The following AP2M1 variants were observed in gnomAD, a reference collection of about 807,000 sequenced individuals.
AP2M1 encodes the protein AP-2 complex subunit mu.
In AP2M1, 5 loss-of-function variants were observed where a neutral mutation model predicts 54.5. That is an observed-to-expected ratio of 0.09 (90% confidence interval 0.05 to 0.19). The LOEUF (loss-of-function observed/expected upper bound fraction) is 0.19, where lower values mean the gene tolerates loss of function less well. Ranked by LOEUF, AP2M1 falls within the 10% of genes least tolerant of loss-of-function variation. The pLI is 1.00. For synonymous variants in AP2M1, 186 were observed against 208.2 expected (o/e 0.89, Z 0.92); for missense variants, 178 against 580.2 (o/e 0.31, Z 7.12).
In AP2M1 at chr3:184,178,845, C is replaced by CT. The variant is rs1207889394; in HGVS notation, c.75-8dup. ...GGGTGCTGAGCAGGCCCTATGCACT[C>CT]TTTTCCCTCAGGAGGAACGCAGTGG... On this transcript the variant is annotated splice_polypyrimidine_tract_variant and intron_variant, in intron 2 of 11. Coordinates refer to ENST00000292807, the MANE Select transcript of AP2M1 (RefSeq NM_004068.4). This position sits in a 1 kb window ranked among gnomAD's most constrained non-coding sequence, Gnocchi z 4.9. The CT allele has an allele frequency of 1.9e-6, 3 of 1,613,000 alleles. No individual in the cohort carries two copies. The Admixed American group carries it at 5.0e-5, about 27-fold the overall frequency.
At chr3:184,177,966 T>C in intron 2 of AP2M1, 1 of 618,220 alleles carries the variant, frequency 1.6e-6, no homozygotes, top group African/African-American at 1.8e-5. Context: ...GAGCTAGAGC[T>C]GCAGCTGTGG....
At chr3:184,179,244 T>C (rs1340504289) in intron 3 of AP2M1, 122 bp downstream of exon 3, 1 of 1,276,504 alleles carries the variant, frequency 7.8e-7, no homozygotes, top group Non-Finnish European at 1.1e-6. Flanking sequence ...TCCTGAGTAT[T>C]TGGTCTCTTG....
chr3:184,183,719 G>A lies in AP2M1; in HGVS notation c.*103G>A. ...ATCAGTGTCTCCTCCCTCCTGCTTT[G>A]CTGCCTTCCCTTTGCACCAGCCCGA... is the stretch of plus-strand genomic sequence containing the variant. On this transcript the variant is annotated 3_prime_UTR_variant, in exon 12 of 12. Transcript: ENST00000292807. This position sits in a 1 kb window ranked among gnomAD's most constrained non-coding sequence, Gnocchi z 5.7. The A allele has an allele frequency of 7.3e-7, 1 of 1,366,274 alleles. No individual in the cohort carries two copies. Among genetic ancestry groups the A allele is most frequent in the Non-Finnish European group, 1.0e-6 (1 of 993,510 alleles). The allele number at this position is 1,366,274 out of a possible 1,614,324, so 84.6% of individuals were successfully genotyped here.
At chr3:184,176,412 T>C (rs988809392) in intron 1 of AP2M1, among the ~76,000 whole-genome samples, 2 of 152,166 alleles carry the variant, frequency 1.3e-5, no homozygotes, top group African/African-American at 4.8e-5. Context: ...TTATACCCTT[T>C]CCTGGAATGT....
chr3:184,179,502 AG>A (rs960166708), intron 3 of AP2M1, among the ~76,000 whole-genome samples: 21 of 152,106 alleles, frequency 1.4e-4, no homozygotes, highest in Admixed American at 7.2e-4. Context: ...AGATATTACA[AG>A]CCTCTTGGGG....
At chr3:184,177,202 A>G in intron 2 of AP2M1, 135 bp downstream of exon 2, 2 of 892,234 alleles carry the variant, frequency 2.2e-6, no homozygotes, top group Non-Finnish European at 3.4e-6. Context: ...AAGCTCAGCT[A>G]GTGTAGCCTG....
At chr3:184,176,287 T>G (rs531020409) in intron 1 of AP2M1, among the ~76,000 whole-genome samples, 14 of 152,288 alleles carry the variant, frequency 9.2e-5, no homozygotes, top group Non-Finnish European at 2.1e-4. Flanking sequence ...AAGTGTAGTC[T>G]GCCAGCCCTA....
In AP2M1 at chr3:184,180,820, C is replaced by G. The variant is rs376758848; in HGVS notation, c.430-29C>G. 6.2e-7 allele frequency: 1 copy of G among 1,614,212 alleles called. No homozygotes were observed. The highest frequency in any genetic ancestry group is 1.7e-5 in the Admixed American group (1 of 60,032). ...GATTAAAGGGACAGAGGAGTGAGGC[C>G]ATTGCTGTTTGTTTCTGCCCTCATG... On this transcript the variant is annotated intron_variant, in intron 5 of 11. Coordinates refer to ENST00000292807, the MANE Select transcript of AP2M1 (RefSeq NM_004068.4). The surrounding 1 kb of genome is among the most constrained non-coding windows in gnomAD (Gnocchi z 4.9).
intron 2 of AP2M1, chr3:184,177,612 GT>G (rs1560125436): frequency 6.5e-7 from 1 of 1,535,880 alleles, no homozygotes. Context: ...GGCTGGAAGC[GT>G]GAGGCACTCT....
chr3:184,176,731 A>G (rs1715085838), intron 1 of AP2M1: 2 of 477,202 alleles, frequency 4.2e-6, no homozygotes, highest in Non-Finnish European at 7.3e-6. Context: ...AAATGGCCTT[A>G]GAATCCTGGG....
chr3:184,179,019 C>T lies in AP2M1; in HGVS notation c.237C>T (p.Phe79=), dbSNP rs11539598. 5.9e-4 allele frequency: 958 copies of T among 1,614,160 alleles called. No individual in the cohort carries two copies. Among genetic ancestry groups the T allele is most frequent in the Non-Finnish European group, 7.7e-4 (904 of 1,180,042 alleles). Residue 79 remains phenylalanine, a synonymous_variant, in exon 3 of 12, where the codon TTC becomes TTT. Coordinates refer to ENST00000292807, the MANE Select transcript of AP2M1 (RefSeq NM_004068.4). ...AGAATGTCAACGCTGCCATGGTCTTCGAATTCCTCTATAAGATGTGTGACG... is the reference window on the plus strand; with the variant it reads ...AGAATGTCAACGCTGCCATGGTCTTTGAATTCCTCTATAAGATGTGTGACG... ...TKQNVNAAMV[F]EFLYKMCDVM... is the part of the protein sequence containing the mutation.
At position 184,180,141 on chromosome 3, in the gene AP2M1, G is replaced by T; in HGVS notation, c.341-28G>T. The T allele has an allele frequency of 6.2e-7, 1 of 1,611,348 alleles. No individual in the cohort carries two copies. Among genetic ancestry groups the T allele is most frequent in the Non-Finnish European group, 8.5e-7 (1 of 1,177,600 alleles). The stretch of plus-strand genomic sequence containing the variant: ...GGCTGGAATGAAGAAGCTCTGTCCA[G>T]GGGCTGATGGTTCCCTTCTTTTTGC... On this transcript the variant is annotated intron_variant, in intron 3 of 11. Coordinates refer to ENST00000292807, the MANE Select transcript of AP2M1 (RefSeq NM_004068.4). The surrounding 1 kb of genome is among the most constrained non-coding windows in gnomAD (Gnocchi z 4.9).
rs1381423610 is a variant in AP2M1 at position 184,180,420 on chromosome 3, C to G, written c.423+169C>G. 2.2e-5 allele frequency: 23 copies of G among 1,050,104 alleles called. No homozygotes were observed. Among genetic ancestry groups the G allele is most frequent in the Non-Finnish European group, 1.4e-6 (1 of 724,162 alleles). 65.0% of individuals were successfully genotyped at this position (1,050,104 alleles called of 1,614,324 possible). ...GATTTTGCTCTGTGTGGTCCTCCCA[C>G]TGCAGGAGCAGCCAATTCAGCATCT... is the stretch of plus-strand genomic sequence containing the variant. On this transcript the variant is annotated intron_variant, in intron 4 of 11. Coordinates refer to ENST00000292807, the MANE Select transcript of AP2M1 (RefSeq NM_004068.4). This position sits in a 1 kb window ranked among gnomAD's most constrained non-coding sequence, Gnocchi z 4.9.
At chr3:184,175,175 C>T (rs959048832) in intron 1 of AP2M1, 13 of 393,090 alleles carry the variant, frequency 3.3e-5, no homozygotes, top group Non-Finnish European at 5.8e-5. Context: ...CCACCTGACC[C>T]GCCTGGCGCC....
Position 184,180,714 on chromosome 3 carries a change from G to A in AP2M1, c.429+64G>A. On this transcript the variant is annotated intron_variant, in intron 5 of 11. Transcript: ENST00000292807. This position sits in a 1 kb window ranked among gnomAD's most constrained non-coding sequence, Gnocchi z 4.9. ...TTTGTTTCTCCAGGCCCTGCCCTTT[G>A]GGGCTTATAGGGGAAAATGGATTAC... The A allele has an allele frequency of 6.2e-7, 1 of 1,614,192 alleles. No individual in the cohort carries two copies. Among genetic ancestry groups the A allele is most frequent in the Non-Finnish European group, 8.5e-7 (1 of 1,180,020 alleles).
chr3:184,182,308 T>A lies in AP2M1; in HGVS notation c.1061+60T>A. ...CAAGATCCCAGTATACCCTCTTGTT[T>A]TCAGCTTTGATCCTTCTGAATGAGG... On this transcript the variant is annotated intron_variant, in intron 10 of 11. Coordinates refer to ENST00000292807, the MANE Select transcript of AP2M1 (RefSeq NM_004068.4). The surrounding 1 kb of genome is among the most constrained non-coding windows in gnomAD (Gnocchi z 5.5). 1 of 1,551,342 alleles carries A rather than the reference T, an allele frequency of 6.4e-7. No individual in the cohort carries two copies. The highest frequency in any genetic ancestry group is 1.4e-5 in the African/African-American group (1 of 73,918).
In AP2M1 at chr3:184,178,804, G is replaced by C; in HGVS notation, c.75-53G>C. 6.3e-7 allele frequency: 1 copy of C among 1,589,934 alleles called. No homozygotes were observed. The highest frequency in any genetic ancestry group is 2.2e-5 in the East Asian group (1 of 44,550). On this transcript the variant is annotated intron_variant, in intron 2 of 11. Transcript: ENST00000292807. This position sits in a 1 kb window ranked among gnomAD's most constrained non-coding sequence, Gnocchi z 4.9. ...GTTAGCAGCTGTGGTTGATCCTTAT[G>C]GGGTAAGGTTCACCTGGGTGCTGAG...
chr3:184,180,812 A>T lies in AP2M1; in HGVS notation c.430-37A>T. 6.2e-7 allele frequency: 1 copy of T among 1,614,198 alleles called. No homozygotes were observed. The highest frequency in any genetic ancestry group is 8.5e-7 in the Non-Finnish European group (1 of 1,180,044). On this transcript the variant is annotated intron_variant, in intron 5 of 11. Transcript: ENST00000292807. This position sits in a 1 kb window ranked among gnomAD's most constrained non-coding sequence, Gnocchi z 4.9. ...GACAGGATGATTAAAGGGACAGAGG[A>T]GTGAGGCCATTGCTGTTTGTTTCTG...
Position 184,176,964 on chromosome 3 carries a change from G to A in AP2M1, c.-30G>A, listed in dbSNP as rs760265104. 5 of 1,611,892 alleles carry A rather than the reference G, an allele frequency of 3.1e-6. No individual in the cohort carries two copies. The highest frequency in any genetic ancestry group is 4.2e-6 in the Non-Finnish European group (5 of 1,179,042). On this transcript the variant is annotated 5_prime_UTR_variant, in exon 2 of 12. Coordinates refer to ENST00000292807, the MANE Select transcript of AP2M1 (RefSeq NM_004068.4). The stretch of plus-strand genomic sequence containing the variant: ...CGCCTGTCCTAGGTCTGTTCTCAGA[G>A]CGATGGGCCGCGGAGACTGATCTGC...
Sources: gnomAD v4.1 joint callset for allele counts (sites outside exome capture counted in the v4.1 genomes callset) on GRCh38, gnomAD v4.1.1 for gene constraint, Gnocchi (gnomAD v3.1) non-coding constraint, MANE v1.5 for transcripts, NCBI Gene and HGNC (gene_info 2026-07-23, HGNC 2026-07-21) for gene names.